The following ZNF804B variants were observed in gnomAD, a reference collection of about 807,000 sequenced individuals.
The protein encoded by ZNF804B is zinc finger protein 804B.
In ZNF804B, 80 loss-of-function variants were observed where a neutral mutation model predicts 101.4. The ratio of observed to expected loss-of-function variants is 0.79; its 90% CI spans 0.66 to 0.95. The LOEUF (loss-of-function observed/expected upper bound fraction) is 0.95. ZNF804B is among the 40% of genes least tolerant of loss of function. The probability of loss-of-function intolerance (pLI) is 0.00; values close to 1 mark genes in which losing one functional copy is unlikely to be tolerated. For synonymous variants in ZNF804B, 622 were observed against 558.8 expected, an observed-to-expected ratio of 1.11 and a Z score of -1.59; for missense variants, 1,673 against 1,561.9, an observed-to-expected ratio of 1.07 and a Z score of -1.20.
chr7:89,170,165 T>A (rs1483979770), intron 1 of ZNF804B, among the ~76,000 whole-genome samples: 2 of 152,308 alleles, frequency 1.3e-5, no homozygotes, highest in Admixed American at 1.3e-4. Flanking sequence ...TTTGATAAAT[T>A]TTGTATGAAA....
intron 2 of ZNF804B, among the ~76,000 whole-genome samples, chr7:89,223,936 C>T (rs922866765): frequency 4.6e-5 from 7 of 151,920 alleles, no homozygotes; most frequent in East Asian, 1.9e-4. Context: ...AAATTATAAT[C>T]ACTTAGATAA....
At chr7:89,149,084 C>T (rs1053513905) in intron 1 of ZNF804B, among the ~76,000 whole-genome samples, 1 of 152,072 alleles carries the variant, frequency 6.6e-6, no homozygotes, top group African/African-American at 2.4e-5. Context: ...TACCACCAAG[C>T]TGAAACTGAA....
intron 1 of ZNF804B, among the ~76,000 whole-genome samples, chr7:89,083,539 C>G (rs2116315567): frequency 8.4e-6 from 1 of 118,502 alleles, no homozygotes; most frequent in Admixed American, 8.0e-5. Flanking sequence ...AATATATATT[C>G]AGAAACACAT....
chr7:89,070,613 G>A (rs1248174422), intron 1 of ZNF804B, among the ~76,000 whole-genome samples: 5 of 152,108 alleles, frequency 3.3e-5, no homozygotes, highest in Admixed American at 2.6e-4. Context: ...TAGGATCTAT[G>A]TCCTTGTTTT....
At chr7:89,213,084 T>A (rs1375403615) in intron 1 of ZNF804B, among the ~76,000 whole-genome samples, 1 of 152,204 alleles carries the variant, frequency 6.6e-6, no homozygotes, top group Non-Finnish European at 1.5e-5. Context: ...GAGGCTGACA[T>A]TCAAGCTAGT....
chr7:88,944,043 C>T (rs1008343771), intron 1 of ZNF804B, among the ~76,000 whole-genome samples: 1 of 151,758 alleles, frequency 6.6e-6, no homozygotes, highest in Non-Finnish European at 1.5e-5. Flanking sequence ...GATCATTATG[C>T]ATAAAAGTGC....
At chr7:89,300,966 T>C (rs1790462985) in intron 2 of ZNF804B, among the ~76,000 whole-genome samples, 1 of 151,694 alleles carries the variant, frequency 6.6e-6, no homozygotes, top group Admixed American at 6.6e-5. Flanking sequence ...GGTGTAAGCA[T>C]TGCACAGGGA....
chr7:88,822,675 A>G (rs1306390377), intron 1 of ZNF804B, among the ~76,000 whole-genome samples: 3 of 152,214 alleles, frequency 2.0e-5, no homozygotes, highest in Admixed American at 2.0e-4. Context: ...AGGACTTGAC[A>G]GCAGCACCAC....
intron 1 of ZNF804B, chr7:88,793,967 C>A: frequency 5.0e-6 from 2 of 403,128 alleles, no homozygotes; most frequent in Non-Finnish European, 8.7e-6. Flanking sequence ...TTAAACCCAT[C>A]TACCTAGTAA....
intron 1 of ZNF804B, among the ~76,000 whole-genome samples, chr7:89,142,544 A>G (rs987988208): frequency 6.6e-6 from 1 of 151,958 alleles, no homozygotes; most frequent in Non-Finnish European, 1.5e-5. Flanking sequence ...GGATTGTACC[A>G]GTAAAGCTAT....
intron 1 of ZNF804B, among the ~76,000 whole-genome samples, chr7:88,770,448 T>G (rs993846102): frequency 6.6e-6 from 1 of 152,180 alleles, no homozygotes; most frequent in Non-Finnish European, 1.5e-5. Flanking sequence ...AGTAAATGGA[T>G]TCTCCCATAG....
intron 1 of ZNF804B, among the ~76,000 whole-genome samples, chr7:89,005,349 T>G (rs377507708): frequency 5.3e-5 from 8 of 152,104 alleles, no homozygotes; most frequent in African/African-American, 1.9e-4. Flanking sequence ...CAGATTTTGT[T>G]GTTGTTGTTG....
chr7:89,215,621 C>T (rs185511056), intron 1 of ZNF804B, among the ~76,000 whole-genome samples: 5 of 151,992 alleles, frequency 3.3e-5, no homozygotes, highest in South Asian at 2.1e-4. Flanking sequence ...CGGTGGCTCG[C>T]GCCTGTAATC....
chr7:89,274,223 A>C (rs952951724), intron 2 of ZNF804B, among the ~76,000 whole-genome samples: 3 of 144,820 alleles, frequency 2.1e-5, no homozygotes, highest in Admixed American at 7.0e-5. Context: ...GGTTAGTTAC[A>C]TATGTATACA....
intron 1 of ZNF804B, among the ~76,000 whole-genome samples, chr7:88,770,271 A>G (rs1790043106): frequency 2.6e-5 from 4 of 152,162 alleles, no homozygotes; most frequent in South Asian, 4.1e-4. Flanking sequence ...GGATGAGATG[A>G]TTATCCTGGA....
At chr7:88,811,586 G>C (rs1406193213) in intron 1 of ZNF804B, among the ~76,000 whole-genome samples, 1 of 152,152 alleles carries the variant, frequency 6.6e-6, no homozygotes, top group African/African-American at 2.4e-5. Context: ...ATGCCCATCA[G>C]TGATAGATTG....
intron 1 of ZNF804B, among the ~76,000 whole-genome samples, chr7:88,969,958 T>G (rs2116109004): frequency 6.6e-6 from 1 of 151,632 alleles, no homozygotes; most frequent in African/African-American, 2.4e-5. Flanking sequence ...CTGAATACAG[T>G]TATAAAACCT....
intron 2 of ZNF804B, among the ~76,000 whole-genome samples, chr7:89,267,712 A>G (rs913990902): frequency 6.6e-6 from 1 of 152,254 alleles, no homozygotes. Flanking sequence ...TTTCTAATAG[A>G]AGGATGTTTT....
chr7:89,031,343 A>G (rs1788831207), intron 1 of ZNF804B, among the ~76,000 whole-genome samples: 1 of 151,766 alleles, frequency 6.6e-6, no homozygotes, highest in Non-Finnish European at 1.5e-5. Context: ...CACCATGCAC[A>G]ATATTTCATT....
Sources: gnomAD v4.1 joint callset for allele counts (sites outside exome capture counted in the v4.1 genomes callset) on GRCh38, gnomAD v4.1.1 for gene constraint, MANE v1.5 for transcripts, NCBI Gene and HGNC (gene_info 2026-07-23, HGNC 2026-07-21) for gene names.